ZBTB44: variants seen among roughly 807,000 people sequenced by gnomAD.
ZBTB44 encodes zinc finger and BTB domain-containing protein 44.
Under a neutral mutation model 54.0 loss-of-function variants are expected in ZBTB44, and 15 were observed. That is an observed-to-expected ratio of 0.28 (90% CI 0.19 to 0.43). The LOEUF is 0.43. Ranked by LOEUF, ZBTB44 falls within the 20% of genes least tolerant of loss-of-function variation. ZBTB44 has a pLI of 1.00. For synonymous variants in ZBTB44, 230 were observed against 250.1 expected (o/e 0.92, Z 0.76); for missense variants, 487 against 707.1 (o/e 0.69, Z 3.53).
intron 1 of ZBTB44, among the ~76,000 whole-genome samples, chr11:130,283,151 T>C (rs149007880): frequency 6.6e-6 from 1 of 151,102 alleles, no homozygotes; most frequent in African/African-American, 2.4e-5. Context: ...TTCAAGCAAT[T>C]ATCCTGCCTT....
intron 1 of ZBTB44, among the ~76,000 whole-genome samples, chr11:130,267,636 C>T (rs530887605): frequency 2.6e-5 from 4 of 152,156 alleles, no homozygotes; most frequent in South Asian, 2.1e-4. Context: ...AGGCTGGTCT[C>T]GAACTCCTGG....
chr11:130,257,398 GGA>G lies in ZBTB44; in HGVS notation c.1018+3456_1018+3457del, dbSNP rs1472928358. On this transcript the variant is annotated intron_variant, in intron 2 of 7. Coordinates refer to ENST00000357899, the MANE Select transcript of ZBTB44 (RefSeq NM_001301098.2). The stretch of plus-strand genomic sequence containing the variant: ...AATCCAATGACTGGTGTCCTTTTAG[GGA>G]GAGAGAGATTTGAAGCCAGTGGCAA... Among the ~76,000 whole-genome samples the G allele has an allele frequency of 1.3e-5, 2 of 152,090 alleles. 1 individual carries two copies.
chr11:130,294,442 C>T (rs1252923112), intron 1 of ZBTB44, among the ~76,000 whole-genome samples: 5 of 147,022 alleles, frequency 3.4e-5, no homozygotes, highest in Non-Finnish European at 6.0e-5. Flanking sequence ...AAAAATAAAT[C>T]CAGTGTTAAA....
chr11:130,249,218 T>C (rs1937784461), intron 2 of ZBTB44, among the ~76,000 whole-genome samples: 2 of 152,178 alleles, frequency 1.3e-5, no homozygotes, highest in Non-Finnish European at 2.9e-5. Context: ...TTTAGACAGA[T>C]TAATATTTGG....
Position 130,294,883 on chromosome 11 carries a change from T to C in ZBTB44, c.-57+19492A>G, listed in dbSNP as rs1941547536. On this transcript the variant is annotated intron_variant, in intron 1 of 7. Coordinates refer to ENST00000357899, the MANE Select transcript of ZBTB44 (RefSeq NM_001301098.2). ...CTTACATGAGCAAGTAAAATTCAAG[T>C]CAGTTTTAGTCAACTAGCATTTAAA... 2.0e-5 allele frequency among the ~76,000 whole-genome samples: 3 copies of C among 152,202 alleles called. No homozygotes were observed. The South Asian group carries it at 6.2e-4, about 31-fold the overall frequency.
At chr11:130,287,788 C>G (rs1026174064) in intron 1 of ZBTB44, among the ~76,000 whole-genome samples, 2 of 151,906 alleles carry the variant, frequency 1.3e-5, no homozygotes, top group South Asian at 4.1e-4. Flanking sequence ...GAATCTCAGG[C>G]CTCTTTACAC....
intron 1 of ZBTB44, among the ~76,000 whole-genome samples, chr11:130,278,737 T>A (rs1940290621): frequency 6.6e-6 from 1 of 152,216 alleles, no homozygotes; most frequent in Non-Finnish European, 1.5e-5. Flanking sequence ...TTCGGTTAAT[T>A]ATTTTTTTCA....
At chr11:130,284,688 G>C (rs987184764) in intron 1 of ZBTB44, among the ~76,000 whole-genome samples, 11 of 152,104 alleles carry the variant, frequency 7.2e-5, no homozygotes, top group African/African-American at 2.7e-4. Context: ...CCAACATGGA[G>C]AAACACCGTC....
intron 1 of ZBTB44, among the ~76,000 whole-genome samples, chr11:130,300,314 T>G (rs1312332896): frequency 6.6e-6 from 1 of 151,926 alleles, no homozygotes; most frequent in Non-Finnish European, 1.5e-5. Flanking sequence ...GATGGCAAAT[T>G]TTATGTTACG....
Position 130,230,504 on chromosome 11 carries a change from T to C in ZBTB44, c.*1260A>G, listed in dbSNP as rs2136242692. On this transcript the variant is annotated 3_prime_UTR_variant, in exon 8 of 8. Transcript: ENST00000357899. ...AATTACTGTAAGCCAGAATGATTGC[T>C]GAAATGTCAAAATGTAAGATTGAAT... 1 of 148,818 alleles carries C rather than the reference T, an allele frequency of 6.7e-6. No individual in the cohort carries two copies. The highest frequency in any genetic ancestry group is 2.0e-4 in the East Asian group (1 of 5,060). The allele number at this position is 148,818 out of a possible 1,614,324, so 9.2% of individuals were successfully genotyped here. A position where few individuals can be genotyped will look rare whatever the true frequency, so the allele number is the denominator to read the frequency against.
chr11:130,291,138 G>GTT (rs904432176), intron 1 of ZBTB44, among the ~76,000 whole-genome samples: 3 of 146,520 alleles, frequency 2.0e-5, no homozygotes, highest in Non-Finnish European at 3.0e-5. Context: ...AGCCTTTGTT[G>GTT]TTTTTTTTTT....
chr11:130,293,987 T>C (rs192138722), intron 1 of ZBTB44, among the ~76,000 whole-genome samples: 6 of 152,338 alleles, frequency 3.9e-5, no homozygotes, highest in East Asian at 3.9e-4. Context: ...TCCTTGTTAG[T>C]AGTCACCAAG....
At chr11:130,312,560 T>C (rs1942671820) in intron 1 of ZBTB44, among the ~76,000 whole-genome samples, 1 of 152,096 alleles carries the variant, frequency 6.6e-6, no homozygotes, top group Non-Finnish European at 1.5e-5. Context: ...AGGGCACAAA[T>C]CCAGAATGTG....
Position 130,261,811 on chromosome 11 carries a change from T to C in ZBTB44, c.63A>G (p.Leu21=), listed in dbSNP as rs1465713217. The C allele has an allele frequency of 1.2e-6, 2 of 1,614,024 alleles. No homozygotes were observed. The highest frequency in any genetic ancestry group is 1.7e-6 in the Non-Finnish European group (2 of 1,179,864). Residue 21 remains leucine, a synonymous_variant, in exon 2 of 8, where the codon CTA becomes CTG. Coordinates refer to ENST00000357899, the MANE Select transcript of ZBTB44 (RefSeq NM_001301098.2). This position sits in a 1 kb window ranked among gnomAD's most constrained non-coding sequence, Gnocchi z 4.8. ...AATGTCCATCATTTCGCAGCATATT[T>C]AGCTTTCCAAGCATTTCCTGGCTGT... ...SSHSQEMLGK[L]NMLRNDGHFC...
At chr11:130,263,024 G>GCACT (rs1173050469) in intron 1 of ZBTB44, among the ~76,000 whole-genome samples, 2 of 152,176 alleles carry the variant, frequency 1.3e-5, no homozygotes, top group African/African-American at 4.8e-5. Context: ...CTGCACCACT[G>GCACT]CACTCCACCC....
chr11:130,295,609 T>C, intron 1 of ZBTB44: 1 of 780,274 alleles, frequency 1.3e-6, no homozygotes, highest in South Asian at 1.5e-5. Context: ...TACATAATAT[T>C]GTCAATGAAA....
At chr11:130,267,655 T>C (rs1371173024) in intron 1 of ZBTB44, among the ~76,000 whole-genome samples, 2 of 152,020 alleles carry the variant, frequency 1.3e-5, no homozygotes, top group Non-Finnish European at 2.9e-5. Flanking sequence ...GGCCTCAGCA[T>C]TGCAAAGTGC....
At chr11:130,295,344 C>A (rs538997358) in intron 1 of ZBTB44, among the ~76,000 whole-genome samples, 1 of 152,186 alleles carries the variant, frequency 6.6e-6, no homozygotes, top group East Asian at 1.9e-4. Context: ...CAGAAATCCA[C>A]CGTATTAACC....
chr11:130,311,482 T>A (rs939257831), intron 1 of ZBTB44, among the ~76,000 whole-genome samples: 1 of 152,196 alleles, frequency 6.6e-6, no homozygotes, highest in Admixed American at 6.5e-5. Flanking sequence ...GTCCTGGGAT[T>A]ACAGGCATGA....
Sources: gnomAD v4.1 joint callset for allele counts (sites outside exome capture counted in the v4.1 genomes callset) on GRCh38, gnomAD v4.1.1 for gene constraint, Gnocchi (gnomAD v3.1) non-coding constraint, MANE v1.5 for transcripts, NCBI Gene and HGNC (gene_info 2026-07-23, HGNC 2026-07-21) for gene names.